Variants in ZC3H12B observed in about 807,000 individuals in gnomAD.
ZC3H12B encodes probable ribonuclease ZC3H12B.
Under a neutral mutation model 43.9 loss-of-function variants are expected in ZC3H12B, and 7 were observed. The observed-to-expected ratio is 0.16, with a 90% confidence interval of 0.09 to 0.30. The LOEUF is 0.30. Ranked by LOEUF, ZC3H12B falls within the 10% of genes least tolerant of loss-of-function variation. The pLI is 1.00. For missense variants in ZC3H12B, 475 were observed against 670.2 expected, an observed-to-expected ratio of 0.71 and a Z score of 3.22; for synonymous variants, 222 against 241.7, an observed-to-expected ratio of 0.92 and a Z score of 0.76.
the ZC3H12B span, among the ~76,000 whole-genome samples, chrX:65,287,885 T>C: frequency 9.3e-6 from 1 of 107,487 alleles, no homozygotes; most frequent in Non-Finnish European, 1.9e-5. Flanking sequence ...TAAACAAAAT[T>C]GACAATCCAC....
At chrX:65,194,475 G>A in the ZC3H12B span, among the ~76,000 whole-genome samples, 2 of 111,560 alleles carry the variant, frequency 1.8e-5, no homozygotes, top group Admixed American at 1.9e-4. Flanking sequence ...TTCTGTGTCT[G>A]CATAGTTTCC....
At chrX:65,177,489 G>A in the ZC3H12B span, among the ~76,000 whole-genome samples, 1 of 112,126 alleles carries the variant, frequency 8.9e-6, no homozygotes, top group Non-Finnish European at 1.9e-5. Flanking sequence ...AAGTCAAATT[G>A]TCTCTGTTTG....
At chrX:65,249,834 C>T in the ZC3H12B span, among the ~76,000 whole-genome samples, 719 of 68,625 alleles carry the variant, frequency 0.01, 7 homozygotes, top group Non-Finnish European at 0.015. Flanking sequence ...CTATTGTAAA[C>T]GGGTTTCAGT....
chrX:65,076,017 G>A, the ZC3H12B span, among the ~76,000 whole-genome samples: 5 of 111,704 alleles, frequency 4.5e-5, no homozygotes, highest in Non-Finnish European at 9.4e-5. Context: ...GAAGGGAATC[G>A]ATCTGTGTAT....
At chrX:65,056,037 A>T in the ZC3H12B span, among the ~76,000 whole-genome samples, 1 of 111,536 alleles carries the variant, frequency 9.0e-6, no homozygotes, top group South Asian at 3.8e-4. Flanking sequence ...TCAAAAAACC[A>T]GCTCCTGGAT....
intron 3 of ZC3H12B, among the ~76,000 whole-genome samples, chrX:65,449,649 A>G (rs2067441608): frequency 1.8e-5 from 2 of 111,174 alleles, no homozygotes. Flanking sequence ...TGATATGTCT[A>G]CAACACGGAA....
the ZC3H12B span, among the ~76,000 whole-genome samples, chrX:65,067,653 C>T: frequency 9.0e-6 from 1 of 111,720 alleles, no homozygotes; most frequent in Non-Finnish European, 1.9e-5. Flanking sequence ...CTTAGTCTGG[C>T]TAAAGGTTTT....
the ZC3H12B span, among the ~76,000 whole-genome samples, chrX:65,361,113 T>A: frequency 8.9e-6 from 1 of 112,211 alleles, no homozygotes; most frequent in Non-Finnish European, 1.9e-5. Flanking sequence ...TTTCTGAAAT[T>A]TTAATTTTTC....
At chrX:65,451,254 TTTTTTG>T (rs1198595221) in intron 3 of ZC3H12B, among the ~76,000 whole-genome samples, 4 of 110,721 alleles carry the variant, frequency 3.6e-5, no homozygotes, top group Non-Finnish European at 5.7e-5. Context: ...CCAGCCTCAT[TTTTTTG>T]TTTTTGTTTT....
the ZC3H12B span, among the ~76,000 whole-genome samples, chrX:65,138,280 C>T: frequency 8.9e-6 from 1 of 111,845 alleles, no homozygotes; most frequent in Non-Finnish European, 1.9e-5. Flanking sequence ...CCATTTTACT[C>T]TCTAATTTTA....
At chrX:65,252,412 C>T in the ZC3H12B span, among the ~76,000 whole-genome samples, 2 of 111,747 alleles carry the variant, frequency 1.8e-5, no homozygotes, top group Non-Finnish European at 3.8e-5. Context: ...TTTGTTGTGT[C>T]TCTGCCAGGG....
At chrX:65,392,446 G>A (rs1173950618) in intron 2 of ZC3H12B, among the ~76,000 whole-genome samples, 7 of 107,793 alleles carry the variant, frequency 6.5e-5, no homozygotes, top group Admixed American at 3.0e-4. Context: ...GAGCCCCTCC[G>A]CCCGGCAGCC....
At chrX:65,395,954 G>A (rs73629439) in intron 2 of ZC3H12B, among the ~76,000 whole-genome samples, 1 of 111,462 alleles carries the variant, frequency 9.0e-6, no homozygotes, top group Non-Finnish European at 1.9e-5. Context: ...ATTTCTTCTA[G>A]GTTTCCTAGT....
At chrX:65,402,721 A>G (rs1356628926) in intron 3 of ZC3H12B, among the ~76,000 whole-genome samples, 1 of 112,649 alleles carries the variant, frequency 8.9e-6, no homozygotes, top group Non-Finnish European at 1.9e-5. Flanking sequence ...GTTTACGACC[A>G]TCAAGGTGCA....
At chrX:65,461,855 TAA>T (rs1569417651) in intron 3 of ZC3H12B, among the ~76,000 whole-genome samples, 21 of 108,929 alleles carry the variant, frequency 1.9e-4, no homozygotes, top group African/African-American at 7.0e-4. Flanking sequence ...ATAAAAAAAA[TAA>T]AATAATAAAA....
chrX:65,143,203 G>T, the ZC3H12B span, among the ~76,000 whole-genome samples: 1 of 111,012 alleles, frequency 9.0e-6, no homozygotes, highest in Non-Finnish European at 1.9e-5. Flanking sequence ...AGCTTTCCTT[G>T]TAGAGCTCTT....
the ZC3H12B span, among the ~76,000 whole-genome samples, chrX:65,079,938 A>C: frequency 9.0e-6 from 1 of 111,647 alleles, no homozygotes; most frequent in East Asian, 2.8e-4. Context: ...CAGAGAATTC[A>C]AAATAGCTGT....
the ZC3H12B span, among the ~76,000 whole-genome samples, chrX:65,284,929 C>A: frequency 9.0e-6 from 1 of 111,276 alleles, no homozygotes; most frequent in South Asian, 3.7e-4. Flanking sequence ...TTTTGAAATA[C>A]TCCAATTAAA....
the ZC3H12B span, among the ~76,000 whole-genome samples, chrX:65,204,642 T>C: frequency 8.9e-6 from 1 of 111,860 alleles, no homozygotes; most frequent in African/African-American, 3.3e-5. Context: ...AGACAACATG[T>C]AATTAAGATT....
Sources: gnomAD v4.1 joint callset for allele counts (sites outside exome capture counted in the v4.1 genomes callset) on GRCh38, gnomAD v4.1.1 for gene constraint, MANE v1.5 for transcripts, NCBI Gene and HGNC (gene_info 2026-07-23, HGNC 2026-07-21) for gene names.